The following DIAPH2 variants were observed in gnomAD, a reference collection of about 807,000 sequenced individuals.
DIAPH2 encodes the protein protein diaphanous homolog 2.
In DIAPH2, 35 loss-of-function variants were observed where a neutral mutation model predicts 92.7. That is an observed-to-expected ratio of 0.38 (90% CI 0.29 to 0.50). The LOEUF (loss-of-function observed/expected upper bound fraction) is 0.50. DIAPH2 is among the 20% of genes least tolerant of loss of function. The probability of loss-of-function intolerance (pLI) is 0.94; values close to 1 mark genes in which losing one functional copy is unlikely to be tolerated. For missense variants in DIAPH2, 701 were observed against 819.5 expected, an observed-to-expected ratio of 0.86 and a Z score of 1.77; for synonymous variants, 301 against 280.4, an observed-to-expected ratio of 1.07 and a Z score of -0.73.
At chrX:96,928,848 G>A (rs1287659469) in intron 9 of DIAPH2, among the ~76,000 whole-genome samples, 1 of 111,119 alleles carries the variant, frequency 9.0e-6, no homozygotes, top group African/African-American at 3.3e-5. Flanking sequence ...TGTAAAGTGA[G>A]TATTTAATAT....
chrX:97,115,320 G>C (rs2147379490), intron 21 of DIAPH2, among the ~76,000 whole-genome samples: 1 of 110,826 alleles, frequency 9.0e-6, no homozygotes, highest in Admixed American at 9.6e-5. Context: ...TGGATAACCT[G>C]AGGTCAGGAG....
At chrX:96,862,529 T>A (rs1468741129) in intron 4 of DIAPH2, among the ~76,000 whole-genome samples, 1 of 112,031 alleles carries the variant, frequency 8.9e-6, no homozygotes, top group African/African-American at 3.2e-5. Context: ...ACTCATTGGA[T>A]AATTACCTTC....
intron 23 of DIAPH2, among the ~76,000 whole-genome samples, chrX:97,274,092 CCT>C (rs2068416166): frequency 1.0e-5 from 1 of 95,444 alleles, no homozygotes; most frequent in African/African-American, 3.9e-5. Context: ...TTTTGTTTTT[CCT>C]ATCTCTAAAG....
intron 22 of DIAPH2, among the ~76,000 whole-genome samples, chrX:97,179,636 G>A (rs2067523189): frequency 9.0e-6 from 1 of 111,580 alleles, no homozygotes; most frequent in African/African-American, 3.3e-5. Flanking sequence ...TTGGTTCCTT[G>A]TCTTTGCTAT....
chrX:97,206,727 A>G (rs1321778950), intron 22 of DIAPH2, among the ~76,000 whole-genome samples: 1 of 111,614 alleles, frequency 9.0e-6, no homozygotes, highest in African/African-American at 3.3e-5. Context: ...GCTAAAAGAA[A>G]TTTTTTTTAA....
intron 22 of DIAPH2, among the ~76,000 whole-genome samples, chrX:97,234,319 G>A (rs1345542982): frequency 2.5e-5 from 2 of 79,203 alleles, no homozygotes; most frequent in African/African-American, 1.0e-4. Context: ...CAACAAGAGC[G>A]AAACTCCATC....
chrX:97,440,383 G>C (rs1160941829), intron 26 of DIAPH2, among the ~76,000 whole-genome samples: 1 of 110,557 alleles, frequency 9.0e-6, no homozygotes, highest in Non-Finnish European at 1.9e-5. Flanking sequence ...CCTGAGGTCA[G>C]GAGTTCGAGA....
chrX:97,187,704 A>G lies in DIAPH2; in HGVS notation c.2719+45910A>G, dbSNP rs755334359. Among the ~76,000 whole-genome samples, 78 of 111,492 alleles carry G rather than the reference A, an allele frequency of 7.0e-4. No individual in the cohort carries two copies. The South Asian group carries it at 0.028, about 39-fold the overall frequency. ...GATAAAATATAAGAGACTGGGGAAT[A>G]TAATAATCAATATAAGTAAGGAGTT... On this transcript the variant is annotated intron_variant, in intron 22 of 26. Transcript: ENST00000324765.
intron 26 of DIAPH2, among the ~76,000 whole-genome samples, chrX:97,535,691 C>T (rs2071090725): frequency 3.6e-5 from 4 of 111,862 alleles, no homozygotes; most frequent in African/African-American, 1.3e-4. Flanking sequence ...CTCAAGTGAT[C>T]CACCTGCCTC....
At chrX:96,922,998 C>T (rs2065556182) in intron 9 of DIAPH2, among the ~76,000 whole-genome samples, 1 of 111,278 alleles carries the variant, frequency 9.0e-6, no homozygotes, top group Non-Finnish European at 1.9e-5. Flanking sequence ...CCAGAATAGT[C>T]TGGCAGTCAC....
At chrX:97,468,291 G>A (rs1311588646) in intron 26 of DIAPH2, among the ~76,000 whole-genome samples, 1 of 111,303 alleles carries the variant, frequency 9.0e-6, no homozygotes, top group Non-Finnish European at 1.9e-5. Flanking sequence ...GGATGAATGG[G>A]ATAGAATGGT....
At chrX:97,162,848 A>G (rs757963226) in intron 22 of DIAPH2, among the ~76,000 whole-genome samples, 1 of 110,643 alleles carries the variant, frequency 9.0e-6, no homozygotes, top group Admixed American at 9.6e-5. Context: ...TTCCCCGTCT[A>G]TTTCTTGCTT....
intron 3 of DIAPH2, among the ~76,000 whole-genome samples, chrX:96,750,008 A>T (rs2064176801): frequency 9.3e-6 from 1 of 107,393 alleles, no homozygotes; most frequent in South Asian, 4.1e-4. Flanking sequence ...GAATTTCTTC[A>T]CTTTTTGTAA....
chrX:96,741,184 A>G (rs1189329306), intron 3 of DIAPH2, among the ~76,000 whole-genome samples: 3 of 108,303 alleles, frequency 2.8e-5, no homozygotes, highest in Non-Finnish European at 5.7e-5. Context: ...TCTCTCTCCT[A>G]CCATTCTGAG....
intron 26 of DIAPH2, among the ~76,000 whole-genome samples, chrX:97,491,241 G>A (rs73554308): frequency 2.2e-3 from 239 of 110,621 alleles, no homozygotes; most frequent in African/African-American, 7.4e-3. Context: ...CTCTCTTTTG[G>A]TTACCATTTG....
intron 5 of DIAPH2, among the ~76,000 whole-genome samples, chrX:96,889,836 C>T (rs1405417210): frequency 9.0e-6 from 1 of 111,703 alleles, no homozygotes; most frequent in East Asian, 2.8e-4. Flanking sequence ...TTGTTAGAAA[C>T]GGAAAACAGC....
intron 23 of DIAPH2, among the ~76,000 whole-genome samples, chrX:97,297,052 C>A (rs1442336297): frequency 1.1e-5 from 1 of 91,526 alleles, no homozygotes; most frequent in Non-Finnish European, 2.1e-5. Context: ...GCTGGGATTA[C>A]AGGTGTGAGC....
chrX:97,528,942 C>A (rs2071042101), intron 26 of DIAPH2: 1 of 110,158 alleles, frequency 9.1e-6, no homozygotes. Flanking sequence ...GACATGGTGG[C>A]ACGTGTCTGT....
chrX:97,448,234 A>G (rs2070329338), intron 26 of DIAPH2, among the ~76,000 whole-genome samples: 1 of 111,934 alleles, frequency 8.9e-6, no homozygotes, highest in African/African-American at 3.2e-5. Flanking sequence ...ATTACACAGA[A>G]CCACATCTTC....
Sources: gnomAD v4.1 joint callset for allele counts (sites outside exome capture counted in the v4.1 genomes callset) on GRCh38, gnomAD v4.1.1 for gene constraint, MANE v1.5 for transcripts, NCBI Gene and HGNC (gene_info 2026-07-23, HGNC 2026-07-21) for gene names.